CNTN5: variants seen among roughly 807,000 people sequenced by gnomAD.
The protein encoded by CNTN5 is contactin-5.
CNTN5 carries 77 observed loss-of-function variants against 129.1 expected under a neutral mutation model. The ratio of observed to expected loss-of-function variants is 0.60; its 90% CI spans 0.50 to 0.72. The LOEUF (loss-of-function observed/expected upper bound fraction) is 0.72. Ranked by LOEUF, CNTN5 falls within the 30% of genes least tolerant of loss-of-function variation. CNTN5 has a pLI of 0.00. For synonymous variants in CNTN5, 509 were observed against 465.6 expected (o/e 1.09, Z -1.20); for missense variants, 1,478 against 1,328.8 (o/e 1.11, Z -1.75).
chr11:100,296,861 C>T (rs1446411641), intron 18 of CNTN5, among the ~76,000 whole-genome samples: 1 of 151,450 alleles, frequency 6.6e-6, no homozygotes, highest in African/African-American at 2.4e-5. Context: ...AATAGAAAGG[C>T]AACACTGAAG....
intron 1 of CNTN5, among the ~76,000 whole-genome samples, chr11:99,204,949 T>A (rs79886368): frequency 0.013 from 2,006 of 152,254 alleles, 43 homozygotes; most frequent in African/African-American, 0.046. Context: ...TTGATCCGAG[T>A]GTTGGGTGAG....
At chr11:99,385,445 A>G (rs1042021162) in intron 2 of CNTN5, among the ~76,000 whole-genome samples, 2 of 152,142 alleles carry the variant, frequency 1.3e-5, no homozygotes, top group African/African-American at 4.8e-5. Flanking sequence ...AGGGGAAATT[A>G]TAGGTGTTAT....
At chr11:99,631,456 T>C (rs1299377296) in intron 3 of CNTN5, among the ~76,000 whole-genome samples, 1 of 152,014 alleles carries the variant, frequency 6.6e-6, no homozygotes, top group East Asian at 1.9e-4. Context: ...TGTTTAATTA[T>C]AAAAACATTA....
intron 3 of CNTN5, among the ~76,000 whole-genome samples, chr11:99,599,160 C>G (rs1240615529): frequency 6.6e-6 from 1 of 151,476 alleles, no homozygotes; most frequent in African/African-American, 2.4e-5. Context: ...ACCTGTAAAT[C>G]TCAATTTGTT....
intron 1 of CNTN5, among the ~76,000 whole-genome samples, chr11:99,145,468 T>A (rs1191070389): frequency 6.6e-6 from 1 of 152,106 alleles, no homozygotes; most frequent in Non-Finnish European, 1.5e-5. Flanking sequence ...AGTCTACATA[T>A]AATTTCTTGT....
chr11:100,194,028 C>T (rs1437506833), intron 15 of CNTN5, among the ~76,000 whole-genome samples: 1 of 151,944 alleles, frequency 6.6e-6, no homozygotes, highest in East Asian at 1.9e-4. Context: ...CCTGCCTGTC[C>T]TTCTCCTCAA....
At chr11:100,241,426 A>T (rs1949739452) in intron 16 of CNTN5, among the ~76,000 whole-genome samples, 3 of 152,234 alleles carry the variant, frequency 2.0e-5, no homozygotes. Flanking sequence ...AGTTTGTGAT[A>T]ACTGACCAGG....
intron 13 of CNTN5, among the ~76,000 whole-genome samples, chr11:100,112,232 C>T (rs1259381152): frequency 3.9e-5 from 6 of 152,070 alleles, no homozygotes; most frequent in African/African-American, 1.4e-4. Context: ...ATTCCAACAT[C>T]CAAAGAGATA....
intron 9 of CNTN5, among the ~76,000 whole-genome samples, chr11:100,027,235 G>A (rs541332159): frequency 6.6e-6 from 1 of 152,228 alleles, no homozygotes; most frequent in Non-Finnish European, 1.5e-5. Flanking sequence ...TGTATTAGAT[G>A]TCAGAAATTT....
rs200067558 is a variant in CNTN5, at chr11:99,794,241, AATC to A, written c.56-25300_56-25298del. Reference sequence around the variant, plus strand: ...CTTTTTTGTCTGAAATTAGAATAGCAATCATTGCTTTTTTTTCTGTTTTCCATT... The same window carrying A: ...CTTTTTTGTCTGAAATTAGAATAGCAATTGCTTTTTTTTCTGTTTTCCATT... On this transcript the variant is annotated intron_variant, in intron 3 of 24. Coordinates refer to ENST00000524871, the MANE Select transcript of CNTN5 (RefSeq NM_014361.4). 0.011 allele frequency among the ~76,000 whole-genome samples: 1,622 copies of A among 150,692 alleles called. 61 individuals are homozygous for A. The East Asian group carries it at 0.13, about 12-fold the overall frequency.
intron 6 of CNTN5, among the ~76,000 whole-genome samples, chr11:99,854,999 C>A (rs1283359449): frequency 1.3e-5 from 2 of 152,212 alleles, no homozygotes. Flanking sequence ...ATATCACATG[C>A]TAAAGTAACT....
chr11:99,038,123 A>G (rs1863833003), intron 1 of CNTN5, among the ~76,000 whole-genome samples: 2 of 152,154 alleles, frequency 1.3e-5, no homozygotes, highest in Admixed American at 6.5e-5. Flanking sequence ...GAGGTATAAC[A>G]CAGAGTGAGC....
intron 1 of CNTN5, among the ~76,000 whole-genome samples, chr11:99,177,735 C>A (rs545238908): frequency 6.6e-6 from 1 of 152,124 alleles, no homozygotes; most frequent in East Asian, 1.9e-4. Context: ...AAGGAACTTT[C>A]TACAGTGGCC....
At chr11:99,580,821 C>T (rs184827078) in intron 3 of CNTN5, among the ~76,000 whole-genome samples, 13 of 112,010 alleles carry the variant, frequency 1.2e-4, no homozygotes, top group Admixed American at 1.9e-4. Flanking sequence ...TTTTTTGTGT[C>T]TTTATTTCCT....
intron 18 of CNTN5, among the ~76,000 whole-genome samples, chr11:100,295,578 C>T (rs1198631359): frequency 6.6e-6 from 1 of 151,284 alleles, no homozygotes; most frequent in Non-Finnish European, 1.5e-5. Context: ...CAAATAGTTA[C>T]TTTGTTTTAT....
intron 18 of CNTN5, among the ~76,000 whole-genome samples, chr11:100,284,666 A>G (rs1157926776): frequency 6.6e-6 from 1 of 152,186 alleles, no homozygotes; most frequent in East Asian, 1.9e-4. Flanking sequence ...AATACGGTTG[A>G]AAAATAAATG....
intron 1 of CNTN5, among the ~76,000 whole-genome samples, chr11:99,131,254 A>AAAAAAAAAG (rs1565342186): frequency 6.7e-6 from 1 of 148,216 alleles, no homozygotes; most frequent in East Asian, 2.0e-4. Flanking sequence ...TCTCAGAAAA[A>AAAAAAAAAG]AAAAAAAAAA....
intron 3 of CNTN5, among the ~76,000 whole-genome samples, chr11:99,686,747 T>G (rs1953811995): frequency 6.6e-6 from 1 of 152,166 alleles, no homozygotes; most frequent in Non-Finnish European, 1.5e-5. Flanking sequence ...CTTCCCACTG[T>G]GGCCAGTAAT....
intron 13 of CNTN5, among the ~76,000 whole-genome samples, chr11:100,136,670 C>T (rs1157581536): frequency 6.6e-6 from 1 of 151,480 alleles, no homozygotes; most frequent in African/African-American, 2.4e-5. Context: ...TCTTCCTAAA[C>T]AAAGGTAAAA....
Sources: gnomAD v4.1 joint callset for allele counts (sites outside exome capture counted in the v4.1 genomes callset) on GRCh38, gnomAD v4.1.1 for gene constraint, MANE v1.5 for transcripts, NCBI Gene and HGNC (gene_info 2026-07-23, HGNC 2026-07-21) for gene names.